The following ADCY9 variants were observed in gnomAD, a reference collection of about 807,000 sequenced individuals.
ADCY9 encodes the protein adenylate cyclase type 9.
A neutral mutation model predicts 101.5 loss-of-function variants in ADCY9; 50 were observed. That is an observed-to-expected ratio of 0.49 (90% CI 0.39 to 0.62). ADCY9 has a LOEUF of 0.62. ADCY9 is among the 20% of genes least tolerant of loss of function. The pLI is 0.00. For synonymous variants in ADCY9, 905 were observed against 769.3 expected, an observed-to-expected ratio of 1.18 and a Z score of -2.92; for missense variants, 1,662 against 1,800.4, an observed-to-expected ratio of 0.92 and a Z score of 1.39.
chr16:4,083,777 T>A (rs1057228709), intron 2 of ADCY9, among the ~76,000 whole-genome samples: 1 of 152,208 alleles, frequency 6.6e-6, no homozygotes, highest in Non-Finnish European at 1.5e-5. Context: ...TATGATGTGA[T>A]TCCATTTTTA....
At chr16:4,101,797 C>A (rs1293957266) in intron 2 of ADCY9, among the ~76,000 whole-genome samples, 1 of 152,298 alleles carries the variant, frequency 6.6e-6, no homozygotes, top group Non-Finnish European at 1.5e-5. Flanking sequence ...AGTTGCACAG[C>A]TGAAGATCTG....
chr16:3,977,364 G>A (rs1051940251), intron 9 of ADCY9, 118 bp downstream of exon 9: 2 of 1,346,076 alleles, frequency 1.5e-6, no homozygotes, highest in African/African-American at 2.9e-5. Context: ...TTTGGGTCAT[G>A]ATGGGAAATA....
intron 7 of ADCY9, among the ~76,000 whole-genome samples, chr16:3,980,106 T>C (rs1204760687): frequency 6.6e-6 from 1 of 152,256 alleles, no homozygotes; most frequent in Non-Finnish European, 1.5e-5. Flanking sequence ...CATGTTCACC[T>C]CTAGCTGGCG....
At chr16:3,980,838 G>C (rs1377266891) in intron 7 of ADCY9, among the ~76,000 whole-genome samples, 2 of 152,238 alleles carry the variant, frequency 1.3e-5, no homozygotes, top group African/African-American at 4.8e-5. Context: ...AAAGATGTGA[G>C]GTTGGAGGGG....
At chr16:4,104,209 T>C (rs1256783068) in intron 2 of ADCY9, among the ~76,000 whole-genome samples, 1 of 152,318 alleles carries the variant, frequency 6.6e-6, no homozygotes, top group Non-Finnish European at 1.5e-5. Context: ...AAGTAGAGTT[T>C]TGGAAAACTT....
chr16:4,090,707 A>AT (rs935005002), intron 2 of ADCY9, among the ~76,000 whole-genome samples: 1,676 of 144,692 alleles, frequency 0.012, 34 homozygotes, highest in African/African-American at 0.039. Flanking sequence ...AGTTGTTGAG[A>AT]TTTTTTTTTT....
intron 2 of ADCY9, among the ~76,000 whole-genome samples, chr16:4,056,389 G>A (rs1408827994): frequency 6.6e-6 from 1 of 152,196 alleles, no homozygotes; most frequent in Non-Finnish European, 1.5e-5. Flanking sequence ...AAGTAGCTGG[G>A]ACGATAGGCG....
intron 2 of ADCY9, among the ~76,000 whole-genome samples, chr16:4,070,399 G>GA (rs2056826538): frequency 1.3e-5 from 2 of 152,226 alleles, no homozygotes; most frequent in South Asian, 4.1e-4. Flanking sequence ...AATAGGATGT[G>GA]GATGAAAGTT....
chr16:4,035,293 T>C (rs759936894), intron 2 of ADCY9, among the ~76,000 whole-genome samples: 1 of 152,054 alleles, frequency 6.6e-6, no homozygotes, highest in African/African-American at 2.4e-5. Flanking sequence ...TAAGTAGATA[T>C]ATATTTACTT....
Position 4,107,356 on chromosome 16 carries a change from G to T in ADCY9, c.1693+6394C>A, listed in dbSNP as rs188209444. Among the ~76,000 whole-genome samples, 121 of 152,104 alleles carry T rather than the reference G, an allele frequency of 8.0e-4. 1 individual carries two copies. The Middle Eastern group carries it at 0.02, about 26-fold the overall frequency. On this transcript the variant is annotated intron_variant, in intron 2 of 10. Transcript: ENST00000294016. ...ACCTGAGGTCAGGAGTTCAAGACCG[G>T]CCTGGCCTACATGGTGAAACCCCAT...
At chr16:3,987,257 T>A (rs2056200917) in intron 6 of ADCY9, among the ~76,000 whole-genome samples, 1 of 152,320 alleles carries the variant, frequency 6.6e-6, no homozygotes, top group South Asian at 2.1e-4. Flanking sequence ...CTGCTCCCCA[T>A]CAGGCCACGT....
At chr16:4,027,665 T>C (rs2056525987) in intron 2 of ADCY9, among the ~76,000 whole-genome samples, 1 of 151,974 alleles carries the variant, frequency 6.6e-6, no homozygotes, top group Admixed American at 6.6e-5. Flanking sequence ...TCACCTGAGC[T>C]CAAGAGTTCG....
intron 7 of ADCY9, among the ~76,000 whole-genome samples, chr16:3,981,534 ACT>A (rs34996948): frequency 0.67 from 101,280 of 151,764 alleles, 35,624 homozygotes; most frequent in Non-Finnish European, 0.78. Context: ...GCTAAAAATC[ACT>A]GAGTTGTCCA....
chr16:4,090,194 T>C (rs2056964747), intron 2 of ADCY9, among the ~76,000 whole-genome samples: 1 of 152,092 alleles, frequency 6.6e-6, no homozygotes, highest in African/African-American at 2.4e-5. Context: ...CCACGCCCTA[T>C]GGATACTTCC....
chr16:4,108,392 G>A (rs1174570500), intron 2 of ADCY9, among the ~76,000 whole-genome samples: 3 of 33,720 alleles, frequency 8.9e-5, no homozygotes, highest in Non-Finnish European at 1.2e-4. Context: ...TTTTTTTTTG[G>A]CGACAAAGTC....
In ADCY9 at chr16:4,114,028, G is replaced by A. The variant is rs1366756354; in HGVS notation, c.1415C>T (p.Ala472Val). 6.2e-7 allele frequency: 1 copy of A among 1,613,838 alleles called. No homozygotes were observed. The highest frequency in any genetic ancestry group is 8.5e-7 in the Non-Finnish European group (1 of 1,180,048). ...CTTCTCCTGGCAGAACTGCTCGATG[G>A]CCTTGATCATGCCCAGGCCCATCTC... ...CIEMGLGMIK[A>V]IEQFCQEKKE... The change falls in exon 2 of 11, where the codon GCC (alanine) becomes GTC (valine). Residue 472 changes from alanine (A) to valine (V), a missense_variant. Transcript: ENST00000294016. This position sits in a 1 kb window ranked among gnomAD's most constrained non-coding sequence, Gnocchi z 4.3.
intron 10 of ADCY9, among the ~76,000 whole-genome samples, chr16:3,968,225 C>T (rs1039697656): frequency 4.6e-5 from 7 of 151,062 alleles, no homozygotes; most frequent in African/African-American, 9.7e-5. Context: ...CTCCGCCTCC[C>T]GGGTTCAAGT....
At chr16:4,097,487 T>TATATATATATAC (rs76750792) in intron 2 of ADCY9, among the ~76,000 whole-genome samples, 14 of 72,506 alleles carry the variant, frequency 1.9e-4, no homozygotes, top group African/African-American at 7.3e-4. Flanking sequence ...TATATATATA[T>TATATATATATAC]ACACACACAC....
intron 2 of ADCY9, among the ~76,000 whole-genome samples, chr16:4,026,625 T>C (rs79168187): frequency 0.016 from 2,423 of 152,218 alleles, 32 homozygotes; most frequent in Middle Eastern, 0.024. Context: ...ATAAACACAC[T>C]GTGGTCCCTC....
Sources: allele counts gnomAD v4.1 joint callset (sites outside exome capture counted in the v4.1 genomes callset), GRCh38; gene constraint gnomAD v4.1.1; non-coding constraint Gnocchi (gnomAD v3.1); transcripts MANE v1.5; gene names NCBI Gene and HGNC (gene_info 2026-07-23, HGNC 2026-07-21).